Variants in EXOC4 observed in about 807,000 individuals in gnomAD.
The protein encoded by EXOC4 is exocyst complex component 4, also known as SEC8-like 1.
A neutral mutation model predicts 107.2 loss-of-function variants in EXOC4; 71 were observed. The observed-to-expected ratio is 0.66, with a 90% CI of 0.55 to 0.81. The LOEUF (loss-of-function observed/expected upper bound fraction) is 0.81, where lower values mean the gene tolerates loss of function less well. Ranked by LOEUF, EXOC4 falls within the 30% of genes least tolerant of loss-of-function variation. EXOC4 has a pLI of 0.00. For synonymous variants in EXOC4, 456 were observed against 441.2 expected (o/e 1.03, Z -0.42); for missense variants, 1,108 against 1,189.6 (o/e 0.93, Z 1.01).
intron 9 of EXOC4, among the ~76,000 whole-genome samples, chr7:133,509,092 TA>T (rs1799718649): frequency 6.6e-6 from 1 of 152,184 alleles, no homozygotes; most frequent in South Asian, 2.1e-4. Context: ...TTTCCAGTGA[TA>T]CATTTCTCAG....
chr7:133,253,224 G>T lies in EXOC4; in HGVS notation c.86+37G>T, dbSNP rs758985964. On this transcript the variant is annotated intron_variant, in intron 1 of 17. Transcript: ENST00000253861. ...AGGAGGCAGGGTCTGGGGACTGGGG[G>T]CAGCGGCTCGACCTCCGCTTTGGAA... 3 of 1,600,192 alleles carry T rather than the reference G, an allele frequency of 1.9e-6. No individual in the cohort carries two copies. The East Asian group carries it at 6.7e-5, about 36-fold the overall frequency.
intron 7 of EXOC4, chr7:133,396,043 G>A (rs1796964223): frequency 6.6e-6 from 1 of 152,082 alleles, no homozygotes; most frequent in Admixed American, 6.5e-5. Flanking sequence ...TAGAGTAGTG[G>A]TTTTCAAAGA....
intron 11 of EXOC4, among the ~76,000 whole-genome samples, chr7:133,867,669 C>T (rs573859688): frequency 8.8e-4 from 134 of 152,266 alleles, no homozygotes; most frequent in Admixed American, 1.2e-3. Flanking sequence ...GATTATCCTG[C>T]CACATTGACT....
rs6953296 is a variant in EXOC4, at chr7:134,064,411, G to A, written c.2808G>A (p.Gln936=). The change falls in exon 18 of 18, where the codon CAG becomes CAA. Residue 936 remains glutamine, a synonymous_variant. Transcript: ENST00000253861. ...CTCTGACCCTGCTGCACCGCAGCCA[G>A]ACTGGGGTGGGGGAACTGACCACCC... The part of the protein sequence containing the change: ...IHALTLLHRS[Q]TGVGELTTQN... 0.6 allele frequency: 958,390 copies of A among 1,604,444 alleles called. 288,960 individuals are homozygous for A. Among genetic ancestry groups the A allele is most frequent in the East Asian group, 0.74 (33,040 of 44,394 alleles).
chr7:133,452,414 T>A (rs902735325), intron 7 of EXOC4, among the ~76,000 whole-genome samples: 1 of 151,678 alleles, frequency 6.6e-6, no homozygotes, highest in African/African-American at 2.4e-5. Flanking sequence ...CCAGGAAGTC[T>A]CCCACATGGT....
intron 17 of EXOC4, among the ~76,000 whole-genome samples, chr7:134,061,380 G>A (rs2116629208): frequency 6.6e-6 from 1 of 152,312 alleles, no homozygotes; most frequent in South Asian, 2.1e-4. Context: ...GTCCTTGGTT[G>A]AAGGAGACAG....
At chr7:133,614,836 T>C (rs1802153818) in intron 9 of EXOC4, among the ~76,000 whole-genome samples, 1 of 142,940 alleles carries the variant, frequency 7.0e-6, no homozygotes, top group South Asian at 2.3e-4. Flanking sequence ...TGTGAAGGGT[T>C]TCAAGATAGA....
chr7:133,342,713 ATT>A (rs35282424), intron 5 of EXOC4, among the ~76,000 whole-genome samples: 10 of 150,608 alleles, frequency 6.6e-5, no homozygotes, highest in East Asian at 1.9e-4. Flanking sequence ...AGCTTTGTTC[ATT>A]TTTTTTTTTG....
intron 6 of EXOC4, among the ~76,000 whole-genome samples, chr7:133,372,023 A>G (rs933831758): frequency 2.6e-5 from 4 of 152,088 alleles, no homozygotes; most frequent in African/African-American, 7.2e-5. Flanking sequence ...TTGGCCATTC[A>G]TATATTTTCT....
intron 10 of EXOC4, among the ~76,000 whole-genome samples, chr7:133,768,642 A>G (rs1259666555): frequency 6.6e-6 from 1 of 152,034 alleles, no homozygotes; most frequent in Non-Finnish European, 1.5e-5. Context: ...TCTGGTTCAT[A>G]GTAAAGTGTT....
At chr7:133,363,210 T>C (rs1011282405) in intron 6 of EXOC4, among the ~76,000 whole-genome samples, 7 of 152,314 alleles carry the variant, frequency 4.6e-5, no homozygotes, top group African/African-American at 9.6e-5. Context: ...CAGGGACATA[T>C]AGAAGAAATT....
intron 7 of EXOC4, among the ~76,000 whole-genome samples, chr7:133,388,361 A>G (rs1796774979): frequency 6.6e-6 from 1 of 152,136 alleles, no homozygotes; most frequent in East Asian, 1.9e-4. Flanking sequence ...AATTATACCT[A>G]AAAATTGGCC....
chr7:133,876,612 A>G (rs1300057652), intron 11 of EXOC4, among the ~76,000 whole-genome samples: 4 of 151,636 alleles, frequency 2.6e-5, no homozygotes, highest in Non-Finnish European at 4.4e-5. Flanking sequence ...GCCACCCTAG[A>G]CTACTGCCAG....
chr7:133,256,718 C>T, intron 1 of EXOC4, among the ~76,000 whole-genome samples: 1 of 151,794 alleles, frequency 6.6e-6, no homozygotes, highest in African/African-American at 2.4e-5. Flanking sequence ...TGTATTTTTT[C>T]AATGCTTTTC....
intron 14 of EXOC4, among the ~76,000 whole-genome samples, chr7:133,971,315 A>G (rs1445937890): frequency 7.4e-6 from 1 of 134,264 alleles, no homozygotes; most frequent in East Asian, 2.4e-4. Flanking sequence ...GGCTCTTATA[A>G]GAAATGTGGG....
At chr7:134,001,012 C>T (rs1212402819) in intron 15 of EXOC4, among the ~76,000 whole-genome samples, 1 of 152,112 alleles carries the variant, frequency 6.6e-6, no homozygotes, top group African/African-American at 2.4e-5. Flanking sequence ...AAGGATCCAT[C>T]TAAGGAGTGT....
chr7:134,076,198 C>T, the EXOC4 span, among the ~76,000 whole-genome samples: 1 of 152,142 alleles, frequency 6.6e-6, no homozygotes, highest in Non-Finnish European at 1.5e-5. Context: ...AACAAGTCCT[C>T]AGTCAGTACA....
At chr7:133,442,789 AG>A (rs1798132840) in intron 7 of EXOC4, among the ~76,000 whole-genome samples, 1 of 152,212 alleles carries the variant, frequency 6.6e-6, no homozygotes, top group African/African-American at 2.4e-5. Flanking sequence ...AATGAATCAA[AG>A]ATGACCAAGG....
intron 9 of EXOC4, among the ~76,000 whole-genome samples, chr7:133,581,590 C>G (rs1801272960): frequency 6.6e-6 from 1 of 151,300 alleles, no homozygotes. Context: ...AACCCCGTCT[C>G]TACTAAAAAT....
Sources: gnomAD v4.1 joint callset for allele counts (sites outside exome capture counted in the v4.1 genomes callset) on GRCh38, gnomAD v4.1.1 for gene constraint, MANE v1.5 for transcripts, NCBI Gene and HGNC (gene_info 2026-07-23, HGNC 2026-07-21) for gene names.